Variants in NPAS3 observed in about 807,000 individuals in gnomAD.
NPAS3 encodes the protein neuronal PAS domain protein 3.
NPAS3 carries 14 observed loss-of-function variants against 73.1 expected under a neutral mutation model. The ratio of observed to expected loss-of-function variants is 0.19; its 90% CI spans 0.13 to 0.30. The LOEUF (loss-of-function observed/expected upper bound fraction) is 0.30. NPAS3 is among the 10% of genes least tolerant of loss of function. NPAS3 has a pLI of 1.00. For synonymous variants in NPAS3, 620 were observed against 541.5 expected (o/e 1.14, Z -2.01); for missense variants, 1,096 against 1,250.0 (o/e 0.88, Z 1.86).
At chr14:33,114,571 T>C (rs910034833) in intron 2 of NPAS3, among the ~76,000 whole-genome samples, 3 of 152,106 alleles carry the variant, frequency 2.0e-5, no homozygotes, top group African/African-American at 4.8e-5. Flanking sequence ...TCATCAGTAA[T>C]TGAGAAATGC....
chr14:33,421,671 CA>C (rs1336310593), intron 4 of NPAS3, among the ~76,000 whole-genome samples: 1 of 151,754 alleles, frequency 6.6e-6, no homozygotes, highest in Non-Finnish European at 1.5e-5. Flanking sequence ...AAGGTTTAGG[CA>C]ATATTCAAGG....
At chr14:33,701,864 A>T (rs547915681) in intron 6 of NPAS3, among the ~76,000 whole-genome samples, 2 of 151,772 alleles carry the variant, frequency 1.3e-5, no homozygotes, top group Non-Finnish European at 2.9e-5. Context: ...GTGTGCAGAG[A>T]TATCTACCAA....
chr14:33,523,883 T>C (rs2053671352), intron 4 of NPAS3, among the ~76,000 whole-genome samples: 1 of 152,120 alleles, frequency 6.6e-6, no homozygotes, highest in East Asian at 1.9e-4. Context: ...CTCCCTTATA[T>C]GTGTGGGGCC....
chr14:33,498,743 G>A (rs1356705246), intron 4 of NPAS3, among the ~76,000 whole-genome samples: 1 of 152,018 alleles, frequency 6.6e-6, no homozygotes, highest in Non-Finnish European at 1.5e-5. Flanking sequence ...TAGATGATGG[G>A]TTGATGGGTG....
Position 33,527,596 on chromosome 14 carries a change from G to A in NPAS3, c.469-32525G>A, listed in dbSNP as rs1476340708. 5.9e-5 allele frequency among the ~76,000 whole-genome samples: 9 copies of A among 152,154 alleles called. 1 individual carries two copies. The highest frequency in any genetic ancestry group is 2.2e-4 in the African/African-American group (9 of 41,456). The stretch of plus-strand genomic sequence containing the variant: ...ACTGATACTGGAAAGATTTGAGTAA[G>A]TGTGTGGAGATAATAAATGCATGGT... On this transcript the variant is annotated intron_variant, in intron 4 of 11. Coordinates refer to ENST00000356141, the Ensembl canonical transcript of NPAS3.
chr14:33,113,651 T>C (rs866965580), intron 2 of NPAS3, among the ~76,000 whole-genome samples: 4 of 152,244 alleles, frequency 2.6e-5, no homozygotes, highest in South Asian at 4.1e-4. Context: ...TAATTGAATA[T>C]CCTTTATTTC....
chr14:33,671,429 C>A (rs1482653908), intron 5 of NPAS3, among the ~76,000 whole-genome samples: 4 of 152,072 alleles, frequency 2.6e-5, no homozygotes, highest in African/African-American at 9.7e-5. Context: ...GTCTAGTGTG[C>A]AAATTACATG....
intron 2 of NPAS3, among the ~76,000 whole-genome samples, chr14:33,134,081 CT>C (rs141043693): frequency 0.021 from 3,205 of 152,260 alleles, 59 homozygotes; most frequent in Middle Eastern, 0.041. Flanking sequence ...AACTACACTT[CT>C]TTTTCTACCT....
chr14:33,200,022 A>T (rs191434194), intron 2 of NPAS3, among the ~76,000 whole-genome samples: 8 of 151,702 alleles, frequency 5.3e-5, no homozygotes, highest in Non-Finnish European at 5.9e-5. Context: ...AGGGGACTAC[A>T]TTTGACTCAT....
At chr14:33,498,557 T>C (rs976154670) in intron 4 of NPAS3, among the ~76,000 whole-genome samples, 1 of 152,064 alleles carries the variant, frequency 6.6e-6, no homozygotes, top group East Asian at 1.9e-4. Flanking sequence ...TGGATGAAGC[T>C]GGAAACCATC....
At chr14:33,749,457 T>C (rs1305033421) in intron 7 of NPAS3, among the ~76,000 whole-genome samples, 1 of 152,228 alleles carries the variant, frequency 6.6e-6, no homozygotes, top group African/African-American at 2.4e-5. Flanking sequence ...TCTTCTGTGA[T>C]GAGTGAAATT....
At chr14:33,484,244 A>C (rs1594999807) in intron 4 of NPAS3, among the ~76,000 whole-genome samples, 1 of 152,138 alleles carries the variant, frequency 6.6e-6, no homozygotes, top group Non-Finnish European at 1.5e-5. Context: ...CACCTCGTGA[A>C]AGGTCTGGAG....
At chr14:32,969,718 G>A (rs946357653) in intron 1 of NPAS3, among the ~76,000 whole-genome samples, 5 of 152,112 alleles carry the variant, frequency 3.3e-5, no homozygotes, top group African/African-American at 7.2e-5. Flanking sequence ...TAAGACTAAC[G>A]TCAGCCTTGT....
At chr14:33,057,346 T>G (rs1304028842) in intron 2 of NPAS3, among the ~76,000 whole-genome samples, 3 of 152,224 alleles carry the variant, frequency 2.0e-5, no homozygotes, top group Non-Finnish European at 4.4e-5. Flanking sequence ...AGTCATTTAT[T>G]GTGGCTCTTG....
At chr14:33,528,849 G>A (rs774942063) in intron 4 of NPAS3, among the ~76,000 whole-genome samples, 2 of 152,122 alleles carry the variant, frequency 1.3e-5, no homozygotes, top group Non-Finnish European at 2.9e-5. Flanking sequence ...TTAAGGAATA[G>A]CGGTCACGTG....
At chr14:33,109,897 G>A (rs1442306778) in intron 2 of NPAS3, among the ~76,000 whole-genome samples, 1 of 143,372 alleles carries the variant, frequency 7.0e-6, no homozygotes, top group Non-Finnish European at 1.5e-5. Flanking sequence ...CTGCCTCCTG[G>A]GCTTAAACGA....
At chr14:33,113,260 G>A (rs2042954775) in intron 2 of NPAS3, among the ~76,000 whole-genome samples, 2 of 152,258 alleles carry the variant, frequency 1.3e-5, no homozygotes, top group East Asian at 3.9e-4. Flanking sequence ...ATCTTGGGTA[G>A]TATGGCCATT....
chr14:33,200,837 A>G (rs1285967274), intron 2 of NPAS3, among the ~76,000 whole-genome samples: 6 of 152,158 alleles, frequency 3.9e-5, no homozygotes, highest in Admixed American at 3.9e-4. Flanking sequence ...ATTCCCTGTT[A>G]CTATTCAGCA....
chr14:33,020,187 A>T (rs766573234), intron 1 of NPAS3, among the ~76,000 whole-genome samples: 1 of 152,234 alleles, frequency 6.6e-6, no homozygotes, highest in African/African-American at 2.4e-5. Context: ...TACCAAAGAG[A>T]TGCCTTCTGA....
Sources: allele counts gnomAD v4.1 joint callset (sites outside exome capture counted in the v4.1 genomes callset), GRCh38; gene constraint gnomAD v4.1.1; transcripts MANE v1.5; gene names NCBI Gene and HGNC (gene_info 2026-07-23, HGNC 2026-07-21).